DNAH7: variants seen among roughly 807,000 people sequenced by gnomAD.
DNAH7 encodes the protein dynein axonemal heavy chain 7.
DNAH7 carries 397 observed loss-of-function variants against 444.6 expected under a neutral mutation model. The observed-to-expected ratio is 0.89, with a 90% CI of 0.82 to 0.97. DNAH7 has a LOEUF of 0.97. DNAH7 is among the 50% of genes least tolerant of loss of function. DNAH7 has a pLI of 0.00. For missense variants in DNAH7, 4,902 were observed against 4,800.8 expected (o/e 1.02, Z -0.62); for synonymous variants, 1,636 against 1,624.4 (o/e 1.01, Z -0.17).
chr2:196,001,907 T>C (rs750766582), intron 10 of DNAH7, 49 bp from the exon 11 acceptor site: 1 of 1,447,284 alleles, frequency 6.9e-7, no homozygotes, highest in South Asian at 1.4e-5. Flanking sequence ...AGTGAATTAC[T>C]CCTTTTATAT....
intron 5 of DNAH7, among the ~76,000 whole-genome samples, chr2:196,041,359 C>T (rs1374094317): frequency 6.6e-6 from 1 of 152,032 alleles, no homozygotes; most frequent in African/African-American, 2.4e-5. Flanking sequence ...GATATAAAAA[C>T]AGACACTTAG....
At chr2:195,774,721 G>A (rs951351392) in intron 60 of DNAH7, among the ~76,000 whole-genome samples, 2 of 152,270 alleles carry the variant, frequency 1.3e-5, no homozygotes, top group Middle Eastern at 6.8e-3. Flanking sequence ...TCTACTTCGA[G>A]GGACTGTCAT....
chr2:195,756,785 A>C (rs1267302702), intron 61 of DNAH7, among the ~76,000 whole-genome samples: 1 of 152,096 alleles, frequency 6.6e-6, no homozygotes, highest in Admixed American at 6.5e-5. Flanking sequence ...TGAGCTCAGG[A>C]GTTCAAGACT....
intron 46 of DNAH7, among the ~76,000 whole-genome samples, chr2:195,849,297 T>C (rs946425497): frequency 3.3e-5 from 5 of 152,208 alleles, no homozygotes; most frequent in African/African-American, 9.7e-5. Context: ...TACAGTGAAG[T>C]CCAAGATAGC....
At chr2:196,030,764 A>G (rs1403643047) in intron 5 of DNAH7, among the ~76,000 whole-genome samples, 3 of 152,238 alleles carry the variant, frequency 2.0e-5, no homozygotes, top group Non-Finnish European at 2.9e-5. Context: ...CAGGTCTCAC[A>G]TCCAGGTCAT....
chr2:196,001,829 T>C lies in DNAH7; in HGVS notation c.1019A>G (p.Tyr340Cys), dbSNP rs765131476. ...MWFPEVQNIY[Y>C]QGNKKKQLPT... The stretch of plus-strand genomic sequence containing the variant: ...CAATTGCTTTTTTTTATTACCTTGG[T>C]AATAAATATTCTGCACTTCTGGAAA... The change falls in exon 11 of 65, where the codon TAC (tyrosine) becomes TGC (cysteine). Residue 340 changes from tyrosine (Y) to cysteine (C), a missense_variant. Coordinates refer to ENST00000312428, the MANE Select transcript of DNAH7 (RefSeq NM_018897.3). 1.2e-6 allele frequency: 2 copies of C among 1,610,000 alleles called. No homozygotes were observed. Among genetic ancestry groups the C allele is most frequent in the Middle Eastern group, 1.7e-4 (1 of 6,046 alleles).
intron 5 of DNAH7, among the ~76,000 whole-genome samples, chr2:196,029,254 GT>G (rs1390942400): frequency 1.1e-5 from 1 of 94,464 alleles, no homozygotes; most frequent in African/African-American, 1.3e-4. Context: ...AGTAACTTTT[GT>G]TTGTTTGTTT....
intron 19 of DNAH7, among the ~76,000 whole-genome samples, chr2:195,947,098 T>C (rs1372104969): frequency 1.4e-5 from 2 of 148,030 alleles, no homozygotes; most frequent in African/African-American, 2.5e-5. Context: ...TATATTTATA[T>C]AATTATAATA....
intron 63 of DNAH7, among the ~76,000 whole-genome samples, chr2:195,745,830 TA>T (rs1371233734): frequency 1.3e-5 from 2 of 152,114 alleles, no homozygotes; most frequent in Non-Finnish European, 2.9e-5. Context: ...AGGCCTGCCC[TA>T]AAAGAGCTCC....
intron 15 of DNAH7, among the ~76,000 whole-genome samples, chr2:195,977,262 G>T (rs1241092722): frequency 3.3e-5 from 5 of 152,090 alleles, no homozygotes; most frequent in Admixed American, 1.3e-4. Flanking sequence ...CACCATGAAG[G>T]AATTCAGAAT....
chr2:196,061,847 G>C (rs955500301), intron 1 of DNAH7, among the ~76,000 whole-genome samples: 1 of 152,192 alleles, frequency 6.6e-6, no homozygotes, highest in African/African-American at 2.4e-5. Flanking sequence ...TCCCAGTTCA[G>C]TAAACCATAA....
rs562148054 is a variant in DNAH7 at position 195,913,801 on chromosome 2, C to T, written c.3936-3606G>A. Among the ~76,000 whole-genome samples the T allele has an allele frequency of 9.9e-5, 15 of 152,268 alleles. No homozygotes were observed. The South Asian group carries it at 1.2e-3, about 13-fold the overall frequency. On this transcript the variant is annotated intron_variant, in intron 24 of 64. Coordinates refer to ENST00000312428, the MANE Select transcript of DNAH7 (RefSeq NM_018897.3). The stretch of plus-strand genomic sequence containing the variant: ...GCAATCTCGGCTCACTGCAACCCTC[C>T]GCCTCCCGGGTTCAAGCGATTCTCC...
At chr2:195,759,793 A>G (rs955717045) in intron 61 of DNAH7, among the ~76,000 whole-genome samples, 2 of 152,160 alleles carry the variant, frequency 1.3e-5, no homozygotes, top group East Asian at 3.8e-4. Flanking sequence ...TTGAGGCTGC[A>G]GTGAGCCAAG....
chr2:195,931,170 C>T (rs1382243410), intron 21 of DNAH7, among the ~76,000 whole-genome samples: 1 of 152,136 alleles, frequency 6.6e-6, no homozygotes, highest in East Asian at 1.9e-4. Flanking sequence ...ACATGTACCC[C>T]TGAATCTAAA....
intron 2 of DNAH7, among the ~76,000 whole-genome samples, chr2:196,056,633 C>G (rs992322653): frequency 1.3e-5 from 2 of 152,096 alleles, no homozygotes; most frequent in East Asian, 3.9e-4. Context: ...CTCAGGTGAT[C>G]AATTCCAGGA....
In DNAH7 at chr2:195,816,801, AAT is replaced by A; in HGVS notation, c.9586_9587del (p.Ile3196Ter). 5 of 1,614,152 alleles carry A rather than the reference AAT, an allele frequency of 3.1e-6. No individual in the cohort carries two copies. The highest frequency in any genetic ancestry group is 4.2e-6 in the Non-Finnish European group (5 of 1,180,012). On this transcript the variant is annotated frameshift_variant, in exon 51 of 65. Transcript: ENST00000312428. LOFTEE classifies it high-confidence loss of function. ...QEVAEETEKK[I>X]DTTRMGYRPI... ...GACGATAGCCCATGCGGGTGGTGTC[AAT>A]CTTTTTCTCTGTCTCTTCGGCTACT...
At chr2:196,033,154 CTTAA>C (rs1395189919) in intron 5 of DNAH7, among the ~76,000 whole-genome samples, 1 of 151,876 alleles carries the variant, frequency 6.6e-6, no homozygotes, top group East Asian at 1.9e-4. Flanking sequence ...GTTATTTTTT[CTTAA>C]TTATTTAATA....
At chr2:195,911,552 T>C (rs1237396893) in intron 24 of DNAH7, among the ~76,000 whole-genome samples, 2 of 151,978 alleles carry the variant, frequency 1.3e-5, no homozygotes, top group Non-Finnish European at 2.9e-5. Flanking sequence ...CTAATCTACA[T>C]CTAGTAACTT....
chr2:196,034,851 T>C (rs1696284021), intron 5 of DNAH7, among the ~76,000 whole-genome samples: 1 of 152,128 alleles, frequency 6.6e-6, no homozygotes, highest in Non-Finnish European at 1.5e-5. Context: ...GAAGTTGAAA[T>C]GTATCATGCA....
Sources: allele counts gnomAD v4.1 joint callset (sites outside exome capture counted in the v4.1 genomes callset), GRCh38; gene constraint gnomAD v4.1.1; transcripts MANE v1.5; gene names NCBI Gene and HGNC (gene_info 2026-07-23, HGNC 2026-07-21).